The following KRT73 variants were observed in gnomAD, a reference collection of about 807,000 sequenced individuals.
KRT73 encodes the protein keratin, type II cytoskeletal 73.
A neutral mutation model predicts 47.2 loss-of-function variants in KRT73; 44 were observed. The ratio of observed to expected loss-of-function variants is 0.93; its 90% CI spans 0.73 to 1.20. The LOEUF (loss-of-function observed/expected upper bound fraction) is 1.20, where lower values mean the gene tolerates loss of function less well. Among genes scored for constraint, KRT73 ranks in the 50% most tolerant of loss-of-function variants. The pLI is 0.00. For missense variants in KRT73, 713 were observed against 704.5 expected, an observed-to-expected ratio of 1.01 and a Z score of -0.14; for synonymous variants, 285 against 291.3, an observed-to-expected ratio of 0.98 and a Z score of 0.22.
intron 5 of KRT73, 34 bp from the exon 6 acceptor site, chr12:52,611,363 C>T (rs751191953): frequency 1.2e-6 from 2 of 1,613,160 alleles, no homozygotes; most frequent in South Asian, 1.1e-5. Context: ...AGAACACTGA[C>T]TCAGGGCTTG....
At chr12:52,620,820 T>G (rs1469805048), upstream of KRT73, among the ~76,000 whole-genome samples, 1 of 152,202 alleles carries the variant, frequency 6.6e-6, no homozygotes, top group African/African-American at 2.4e-5. Flanking sequence ...ATGTTGTTTG[T>G]TGTCCAAACA....
In KRT73 at chr12:52,612,229, T is replaced by C. The variant is rs915049620; in HGVS notation, c.985-900A>G. The C allele has an allele frequency of 2.6e-4, 39 of 152,186 alleles. 1 individual carries two copies. Among genetic ancestry groups the C allele is most frequent in the Admixed American group, 1.8e-3 (27 of 15,276 alleles). The allele number at this position is 152,186 out of a possible 1,614,324, so 9.4% of individuals were successfully genotyped here. The stretch of plus-strand genomic sequence containing the variant: ...GGAGGGATTAGCATGGAGGAACATT[T>C]TGTGTGCATGATGGGGGTGGATTCA... On this transcript the variant is annotated intron_variant, in intron 5 of 8. Coordinates refer to ENST00000305748, the MANE Select transcript of KRT73 (RefSeq NM_175068.3).
chr12:52,613,076 A>G (rs1253433909), intron 5 of KRT73, among the ~76,000 whole-genome samples: 2 of 152,144 alleles, frequency 1.3e-5, no homozygotes, highest in African/African-American at 2.4e-5. Flanking sequence ...AGGGAGAGGG[A>G]TGAGATAAGA....
the KRT73 span, among the ~76,000 whole-genome samples, chr12:52,630,522 G>A: frequency 4.4e-3 from 663 of 152,276 alleles, 6 homozygotes; most frequent in African/African-American, 0.015. Flanking sequence ...AGTGGATCAC[G>A]AGAGACCAGG....
chr12:52,629,747 C>T, the KRT73 span, among the ~76,000 whole-genome samples: 19 of 152,334 alleles, frequency 1.2e-4, no homozygotes, highest in South Asian at 2.1e-4. Flanking sequence ...AGGAGAACAA[C>T]GTCAGAGGAA....
the KRT73 span, among the ~76,000 whole-genome samples, chr12:52,629,260 C>A: frequency 6.6e-6 from 1 of 152,208 alleles, no homozygotes; most frequent in African/African-American, 2.4e-5. Context: ...TTCTACATCC[C>A]TGAATATCCA....
At chr12:52,610,916 C>T in intron 6 of KRT73, 81 bp from the exon 7 acceptor site, 6 of 1,203,306 alleles carry the variant, frequency 5.0e-6, no homozygotes, top group Non-Finnish European at 5.9e-6. Flanking sequence ...ATGGTTGAGC[C>T]CTCCTCTGTC....
chr12:52,628,868 G>C, the KRT73 span, among the ~76,000 whole-genome samples: 1 of 152,234 alleles, frequency 6.6e-6, no homozygotes, highest in African/African-American at 2.4e-5. Flanking sequence ...GGTAGAGCCA[G>C]AGCAGGTATG....
intron 1 of KRT73, among the ~76,000 whole-genome samples, chr12:52,617,171 T>C (rs965039603): frequency 6.6e-6 from 1 of 152,144 alleles, no homozygotes; most frequent in Non-Finnish European, 1.5e-5. Context: ...AGATTGCCTT[T>C]TCCCCACCTC....
At chr12:52,624,239 CA>C in the KRT73 span, among the ~76,000 whole-genome samples, 1 of 151,722 alleles carries the variant, frequency 6.6e-6, no homozygotes, top group Non-Finnish European at 1.5e-5. Context: ...ATACACCAAA[CA>C]AAAGAGTTGC....
chr12:52,614,593 A>G lies in KRT73; in HGVS notation c.805T>C (p.Cys269Arg). The G allele has an allele frequency of 6.2e-7, 1 of 1,613,894 alleles. No individual in the cohort carries two copies. Among genetic ancestry groups the G allele is most frequent in the Non-Finnish European group, 8.5e-7 (1 of 1,179,886 alleles). Residue 269 changes from cysteine (C) to arginine (R), a missense_variant, in exon 4 of 9, where the codon TGT becomes CGT. Physicochemically the swap from Cys to Arg is radical, Grantham distance 180. Coordinates refer to ENST00000305748, the MANE Select transcript of KRT73 (RefSeq NM_175068.3). ...ALDGEIKFFKCLYEGETAQIQ... is the reference protein window; with the variant it reads ...ALDGEIKFFKRLYEGETAQIQ... ...GGGAGCCTTACCCCCTCGTACAGAC[A>G]CTTGAAGAACTTGATTTCTCCATCC...
At chr12:52,619,869 T>C (rs1940873614), upstream of KRT73, among the ~76,000 whole-genome samples, 1 of 152,076 alleles carries the variant, frequency 6.6e-6, no homozygotes, top group South Asian at 2.1e-4. Flanking sequence ...CTAGCTGGAG[T>C]ACTTGAATGA....
chr12:52,630,725 G>T, the KRT73 span, among the ~76,000 whole-genome samples: 8 of 152,334 alleles, frequency 5.3e-5, no homozygotes, highest in Admixed American at 3.9e-4. Flanking sequence ...TGAAGTCTCT[G>T]GGTGGCTCAG....
chr12:52,627,642 G>A, the KRT73 span, among the ~76,000 whole-genome samples: 1 of 152,132 alleles, frequency 6.6e-6, no homozygotes, highest in African/African-American at 2.4e-5. Context: ...TGGCCATTTA[G>A]TTACCTGATA....
At chr12:52,611,867 C>G (rs1940710145) in intron 5 of KRT73, among the ~76,000 whole-genome samples, 1 of 152,176 alleles carries the variant, frequency 6.6e-6, no homozygotes, top group African/African-American at 2.4e-5. Flanking sequence ...AGTGCAGAGT[C>G]CCTTCCTCCA....
chr12:52,627,069 T>C, the KRT73 span, among the ~76,000 whole-genome samples: 2 of 152,250 alleles, frequency 1.3e-5, no homozygotes, highest in Admixed American at 6.5e-5. Context: ...CACCTACTTA[T>C]GTGCCCAGCA....
intron 3 of KRT73, 181 bp downstream of exon 3, chr12:52,615,098 G>T (rs527521913): frequency 2.1e-5 from 12 of 575,244 alleles, no homozygotes; most frequent in East Asian, 1.7e-4. Flanking sequence ...CACAGACAAA[G>T]TACTGTGTGC....
Position 52,613,414 on chromosome 12 carries a change from C to T in KRT73, c.984+274G>A, listed in dbSNP as rs113109349. On this transcript the variant is annotated intron_variant, in intron 5 of 8. Transcript: ENST00000305748. ...CTGCCTCCAGGGAGTGGTTTCTGAC[C>T]TGCCCCACCTGGTCCTAGTTCCTCA... 26 of 349,756 alleles carry T rather than the reference C, an allele frequency of 7.4e-5. 1 individual carries two copies. Among genetic ancestry groups the T allele is most frequent in the African/African-American group, 4.8e-4 (23 of 48,326 alleles). 21.7% of individuals were successfully genotyped at this position (349,756 alleles called of 1,614,324 possible). A position where few individuals can be genotyped will look rare whatever the true frequency, so the allele number is the denominator to read the frequency against.
upstream of KRT73, among the ~76,000 whole-genome samples, chr12:52,619,434 T>C (rs1490813450): frequency 6.6e-6 from 1 of 152,224 alleles, no homozygotes; most frequent in Non-Finnish European, 1.5e-5. Flanking sequence ...AAACATTTAG[T>C]GAGTCCTTTC....
Sources: allele counts gnomAD v4.1 joint callset (sites outside exome capture counted in the v4.1 genomes callset), GRCh38; gene constraint gnomAD v4.1.1; transcripts MANE v1.5; gene names NCBI Gene and HGNC (gene_info 2026-07-23, HGNC 2026-07-21).